The following COBLL1 variants were observed in gnomAD, a reference collection of about 807,000 sequenced individuals.
COBLL1 encodes cordon-bleu protein-like 1.
A neutral mutation model predicts 94.8 loss-of-function variants in COBLL1; 50 were observed. That is an observed-to-expected ratio of 0.53 (90% CI 0.42 to 0.67). COBLL1 has a LOEUF of 0.67. Ranked by LOEUF, COBLL1 falls within the 30% of genes least tolerant of loss-of-function variation. The probability of loss-of-function intolerance (pLI) is 0.00; values close to 1 mark genes in which losing one functional copy is unlikely to be tolerated. For synonymous variants in COBLL1, 448 were observed against 473.8 expected, an observed-to-expected ratio of 0.95 and a Z score of 0.71; for missense variants, 1,362 against 1,348.7, an observed-to-expected ratio of 1.01 and a Z score of -0.15.
At chr2:164,795,297 G>GGA (rs957917099) in intron 2 of COBLL1, among the ~76,000 whole-genome samples, 2 of 152,014 alleles carry the variant, frequency 1.3e-5, no homozygotes, top group Non-Finnish European at 2.9e-5. Flanking sequence ...ATATATATGA[G>GGA]GAGAGAGAGA....
chr2:164,720,069 G>C (rs985872207), intron 7 of COBLL1, among the ~76,000 whole-genome samples: 1 of 152,080 alleles, frequency 6.6e-6, no homozygotes, highest in Non-Finnish European at 1.5e-5. Flanking sequence ...GCCTAGGAAG[G>C]TATGAATTTT....
intron 2 of COBLL1, among the ~76,000 whole-genome samples, chr2:164,768,144 AT>A (rs946920464): frequency 6.6e-6 from 1 of 151,646 alleles, no homozygotes; most frequent in Non-Finnish European, 1.5e-5. Flanking sequence ...CTGAAACTTG[AT>A]TTTTTTTTAG....
intron 2 of COBLL1, among the ~76,000 whole-genome samples, chr2:164,812,160 A>G (rs905751438): frequency 6.6e-6 from 1 of 152,192 alleles, no homozygotes; most frequent in East Asian, 1.9e-4. Flanking sequence ...AAATAAAAGA[A>G]CAAAATCATT....
At chr2:164,792,886 T>A (rs1438719850) in intron 2 of COBLL1, among the ~76,000 whole-genome samples, 1 of 152,150 alleles carries the variant, frequency 6.6e-6, no homozygotes, top group East Asian at 1.9e-4. Flanking sequence ...ATTAATTCCA[T>A]TCCTAGGCCC....
intron 5 of COBLL1, among the ~76,000 whole-genome samples, chr2:164,726,393 T>TCACCCA (rs1370886194): frequency 1.3e-5 from 2 of 152,128 alleles, no homozygotes; most frequent in African/African-American, 4.8e-5. Context: ...ATTTGAGACT[T>TCACCCA]TTTCTTAATG....
At chr2:164,743,644 A>G in intron 3 of COBLL1, 43 bp downstream of exon 3, 1 of 1,458,288 alleles carries the variant, frequency 6.9e-7, no homozygotes, top group South Asian at 1.1e-5. Context: ...TCAATGGTGG[A>G]ATAAGAAGGG....
At chr2:164,765,118 T>C (rs777872702) in intron 2 of COBLL1, among the ~76,000 whole-genome samples, 5 of 152,156 alleles carry the variant, frequency 3.3e-5, no homozygotes, top group Non-Finnish European at 7.4e-5. Context: ...ACATAATAAA[T>C]GGATCAGATG....
rs182216379 is a variant in COBLL1 at position 164,669,399 on chromosome 2, T to C, written n.127-3498A>G. On this transcript the variant is annotated intron_variant and non_coding_transcript_variant, in intron 1 of 2. Transcript: ENST00000495084. ...CAATTCAAAGGAAAAGGGAGACTTATAGAGTTTGGCTTGTCCACTTATGTT... is the reference window on the plus strand; with the variant it reads ...CAATTCAAAGGAAAAGGGAGACTTACAGAGTTTGGCTTGTCCACTTATGTT... Among the ~76,000 whole-genome samples, 448 of 152,372 alleles carry C rather than the reference T, an allele frequency of 2.9e-3. 4 individuals carry two copies. Among genetic ancestry groups the C allele is most frequent in the Non-Finnish European group, 3.0e-3 (206 of 68,038 alleles).
intron 2 of COBLL1, among the ~76,000 whole-genome samples, chr2:164,825,350 C>A (rs1444246324): frequency 6.6e-6 from 1 of 152,124 alleles, no homozygotes; most frequent in Non-Finnish European, 1.5e-5. Flanking sequence ...TTACCAGGAG[C>A]ACCCTGATGC....
rs5835991 is a variant in COBLL1, at chr2:164,727,688, C to CAAAAA, written c.661+276_661+280dup. Among the ~76,000 whole-genome samples the CAAAAA allele has an allele frequency of 4.1e-4, 56 of 137,232 alleles. No individual in the cohort carries two copies. The Middle Eastern group carries it at 0.019, about 46-fold the overall frequency. 90.0% of individuals were successfully genotyped at this position (137,232 alleles called of 152,430 possible). On this transcript the variant is annotated intron_variant, in intron 5 of 13. Transcript: ENST00000652658. Reference sequence around the variant, plus strand: ...CATGAAGAATTAAGTTAAATCCTACCAAAAAAAAAAAAATCAAAGAAAAAA... The same window carrying CAAAAA: ...CATGAAGAATTAAGTTAAATCCTACCAAAAAAAAAAAAAAAAAATCAAAGAAAAAA...
At chr2:164,719,932 C>A (rs549760997) in intron 7 of COBLL1, among the ~76,000 whole-genome samples, 231 of 147,776 alleles carry the variant, frequency 1.6e-3, no homozygotes, top group African/African-American at 5.4e-3. Flanking sequence ...GAAACAGTGA[C>A]AAGAAAAAAA....
intron 7 of COBLL1, among the ~76,000 whole-genome samples, chr2:164,709,261 G>A (rs1684762070): frequency 6.6e-6 from 1 of 151,994 alleles, no homozygotes; most frequent in Non-Finnish European, 1.5e-5. Context: ...AGATAACTGG[G>A]GGAAATGCAT....
intron 2 of COBLL1, among the ~76,000 whole-genome samples, chr2:164,818,174 G>T (rs536457048): frequency 6.8e-6 from 1 of 147,558 alleles, no homozygotes; most frequent in Non-Finnish European, 1.5e-5. Context: ...ATACATGCAC[G>T]TATACACGTA....
intron 2 of COBLL1, among the ~76,000 whole-genome samples, chr2:164,774,791 TA>T (rs1219820478): frequency 3.3e-5 from 3 of 90,228 alleles, no homozygotes; most frequent in African/African-American, 6.1e-5. Context: ...GGATTGTGGC[TA>T]ATAATATTGT....
chr2:164,745,126 G>A (rs901842249), intron 2 of COBLL1, among the ~76,000 whole-genome samples: 1 of 151,980 alleles, frequency 6.6e-6, no homozygotes, highest in Admixed American at 6.6e-5. Flanking sequence ...GGATCAAAAG[G>A]CTTCTTTATA....
At chr2:164,800,017 G>A (rs559454591) in intron 2 of COBLL1, among the ~76,000 whole-genome samples, 9 of 152,206 alleles carry the variant, frequency 5.9e-5, no homozygotes, top group African/African-American at 2.2e-4. Flanking sequence ...TCATGATCTG[G>A]ATTTAGGCAA....
rs567879907 is a variant in COBLL1 at position 164,775,120 on chromosome 2, T to C, written c.42-31245A>G. ...GCAGTGAGCTGAGACTGTGCCACTG[T>C]ACTCCAGCCTCGGCAACAGGAAGAG... is the stretch of plus-strand genomic sequence containing the variant. On this transcript the variant is annotated intron_variant, in intron 2 of 13. Transcript: ENST00000652658. Among the ~76,000 whole-genome samples, 4 of 151,438 alleles carry C rather than the reference T, an allele frequency of 2.6e-5. No homozygotes were observed. In the East Asian group the frequency reaches 5.9e-4, roughly 22 times the overall value.
At chr2:164,742,156 C>A (rs560855754) in intron 3 of COBLL1, among the ~76,000 whole-genome samples, 1 of 151,996 alleles carries the variant, frequency 6.6e-6, no homozygotes, top group African/African-American at 2.4e-5. Context: ...AGAAAAAACA[C>A]GCTTCTGATA....
At chr2:164,701,081 C>G (rs1232315371) in intron 9 of COBLL1, among the ~76,000 whole-genome samples, 3 of 152,090 alleles carry the variant, frequency 2.0e-5, no homozygotes, top group Non-Finnish European at 4.4e-5. Flanking sequence ...TACACTCATC[C>G]AGCAACTCAA....
Sources: gnomAD v4.1 joint callset for allele counts (sites outside exome capture counted in the v4.1 genomes callset) on GRCh38, gnomAD v4.1.1 for gene constraint, MANE v1.5 for transcripts, NCBI Gene and HGNC (gene_info 2026-07-23, HGNC 2026-07-21) for gene names.